Variants in OLFM1 observed in about 807,000 individuals in gnomAD.
OLFM1 encodes the protein olfactomedin 1, also known as noelin.
OLFM1 carries 9 observed loss-of-function variants against 49.7 expected under a neutral mutation model. The ratio of observed to expected loss-of-function variants is 0.18; its 90% CI spans 0.11 to 0.32. The LOEUF (loss-of-function observed/expected upper bound fraction) is 0.32. Ranked by LOEUF, OLFM1 falls within the 10% of genes least tolerant of loss-of-function variation. The pLI is 1.00. For synonymous variants in OLFM1, 240 were observed against 271.8 expected (o/e 0.88, Z 1.15); for missense variants, 369 against 661.8 (o/e 0.56, Z 4.85).
intron 2 of OLFM1, among the ~76,000 whole-genome samples, chr9:135,091,835 ACACACACACTCACACATAGT>A (rs1462130022): frequency 2.2e-5 from 3 of 138,312 alleles, no homozygotes; most frequent in Non-Finnish European, 3.1e-5. Flanking sequence ...ACTCACAGTC[ACACACACACTCACACATAGT>A]CACACACACT....
chr9:135,089,931 A>G (rs889504473), intron 1 of OLFM1, among the ~76,000 whole-genome samples: 4 of 152,168 alleles, frequency 2.6e-5, no homozygotes, highest in African/African-American at 9.7e-5. Flanking sequence ...ACATCCCTTG[A>G]GTTGAACTTA....
At chr9:135,078,497 C>T (rs544248441) in intron 1 of OLFM1, among the ~76,000 whole-genome samples, 1 of 152,312 alleles carries the variant, frequency 6.6e-6, no homozygotes, top group Admixed American at 6.5e-5. Flanking sequence ...AAACACCAAC[C>T]GTTGATGGAT....
intron 1 of OLFM1, chr9:135,076,893 C>T: frequency 6.4e-7 from 1 of 1,550,650 alleles, no homozygotes; most frequent in East Asian, 2.4e-5. Context: ...ACTGAACGAG[C>T]TTCCCTTGTT....
chr9:135,106,993 G>T, intron 5 of OLFM1, 138 bp downstream of exon 5: 1 of 663,402 alleles, frequency 1.5e-6, no homozygotes, highest in South Asian at 1.9e-5. Flanking sequence ...GGGGGCGTTT[G>T]TTCCTGGAAG....
chr9:135,084,384 C>G (rs1477326747), upstream of OLFM1, among the ~76,000 whole-genome samples: 1 of 147,578 alleles, frequency 6.8e-6, no homozygotes, highest in Non-Finnish European at 1.5e-5. This position sits in a 1 kb window ranked among gnomAD's most constrained non-coding sequence, Gnocchi z 4.6. Flanking sequence ...TCTCTCTCCT[C>G]TCTGTCTCTA....
chr9:135,089,322 T>G (rs1830648084), intron 1 of OLFM1, among the ~76,000 whole-genome samples: 1 of 152,200 alleles, frequency 6.6e-6, no homozygotes, highest in South Asian at 2.1e-4. Flanking sequence ...AGCAGAGAGA[T>G]GACCTGATGC....
chr9:135,120,015 C>G lies in OLFM1; in HGVS notation c.1295C>G (p.Ala432Gly). 1.9e-6 allele frequency: 3 copies of G among 1,613,964 alleles called. No homozygotes were observed. Among genetic ancestry groups the G allele is most frequent in the Middle Eastern group, 1.6e-4 (1 of 6,062 alleles). The change falls in exon 6 of 6, where the codon GCC (alanine) becomes GGC (glycine). Residue 432 changes from alanine to glycine, a missense_variant. Physicochemically the swap from Ala to Gly is moderately conservative, Grantham distance 60. Coordinates refer to ENST00000371793, the MANE Select transcript of OLFM1 (RefSeq NM_001282611.2). ...GTCCACTATGCATACCAGACCAATG[C>G]CTCCACCTATGAATACATCGACATC... ...TKVHYAYQTN[A>G]STYEYIDIPF...
At chr9:135,096,445 G>A (rs1830799864) in intron 3 of OLFM1, among the ~76,000 whole-genome samples, 1 of 152,004 alleles carries the variant, frequency 6.6e-6, no homozygotes, top group African/African-American at 2.4e-5. Context: ...GCATAGCAAA[G>A]GTTGTTCTGT....
At chr9:135,109,342 G>C (rs532561648) in intron 5 of OLFM1, among the ~76,000 whole-genome samples, 1 of 152,214 alleles carries the variant, frequency 6.6e-6, no homozygotes, top group Non-Finnish European at 1.5e-5. Flanking sequence ...CAAAGCTGTC[G>C]CGGTGCTGAT....
At chr9:135,091,812 C>G (rs1280963592) in intron 2 of OLFM1, among the ~76,000 whole-genome samples, 4 of 150,308 alleles carry the variant, frequency 2.7e-5, no homozygotes, top group African/African-American at 7.4e-5. Flanking sequence ...CACACACTCA[C>G]ATAGTCACAC....
intron 5 of OLFM1, among the ~76,000 whole-genome samples, chr9:135,111,421 C>T (rs777111781): frequency 5.9e-5 from 9 of 152,114 alleles, no homozygotes; most frequent in Non-Finnish European, 7.4e-5. Flanking sequence ...AGCGCATGGC[C>T]CATTGAACTG....
rs766503750 is a variant in OLFM1 at position 135,098,267 on chromosome 9, G to A, written c.457-19G>A. 6.2e-7 allele frequency: 1 copy of A among 1,612,364 alleles called. No homozygotes were observed. Among genetic ancestry groups the A allele is most frequent in the South Asian group, 1.1e-5 (1 of 91,052 alleles). On this transcript the variant is annotated intron_variant, in intron 3 of 5. Coordinates refer to ENST00000371793, the MANE Select transcript of OLFM1 (RefSeq NM_001282611.2). The surrounding 1 kb of genome is among the most constrained non-coding windows in gnomAD (Gnocchi z 5.6). ...TTCTTGCATGCATCGCACTGAACCA[G>A]CTTATTTTAACCTTGCAGGCGATAA... is the stretch of plus-strand genomic sequence containing the variant.
At chr9:135,105,879 C>G (rs1031010790) in intron 4 of OLFM1, 1 of 152,308 alleles carries the variant, frequency 6.6e-6, no homozygotes, top group East Asian at 1.9e-4. Flanking sequence ...GGCCGAGGCT[C>G]GTGCATTCTG....
intron 2 of OLFM1, among the ~76,000 whole-genome samples, chr9:135,094,621 T>C (rs992200054): frequency 3.9e-5 from 6 of 152,078 alleles, no homozygotes; most frequent in Non-Finnish European, 8.8e-5. Context: ...AAGATGAGTT[T>C]GTGTGTGTTA....
chr9:135,076,853 G>A, intron 1 of OLFM1: 1 of 1,550,382 alleles, frequency 6.5e-7, no homozygotes, highest in East Asian at 2.4e-5. Context: ...GAGGGCCAGA[G>A]AGCGAGAGGA....
chr9:135,099,813 G>T (rs761865162), intron 4 of OLFM1, among the ~76,000 whole-genome samples: 2 of 152,196 alleles, frequency 1.3e-5, no homozygotes, highest in Non-Finnish European at 2.9e-5. Context: ...AGTCCCAGGA[G>T]GGGGGTCTGG....
chr9:135,075,815 A>T, intron 1 of OLFM1: 1 of 1,596,732 alleles, frequency 6.3e-7, no homozygotes, highest in East Asian at 2.3e-5. Context: ...ACGTGCATCC[A>T]ACGCCATTTT....
chr9:135,118,825 T>A (rs1831139429), intron 5 of OLFM1, among the ~76,000 whole-genome samples: 1 of 147,010 alleles, frequency 6.8e-6, no homozygotes, highest in African/African-American at 2.6e-5. Context: ...GTCTTTGGAG[T>A]GCTCGCCGGG....
chr9:135,116,917 C>T (rs887604825), intron 5 of OLFM1, among the ~76,000 whole-genome samples: 3 of 151,572 alleles, frequency 2.0e-5, no homozygotes, highest in Non-Finnish European at 4.4e-5. Flanking sequence ...AAAAGCACAT[C>T]TGCTTGTAAG....
Sources: gnomAD v4.1 joint callset for allele counts (sites outside exome capture counted in the v4.1 genomes callset) on GRCh38, gnomAD v4.1.1 for gene constraint, Gnocchi (gnomAD v3.1) non-coding constraint, MANE v1.5 for transcripts, NCBI Gene and HGNC (gene_info 2026-07-23, HGNC 2026-07-21) for gene names.